Variants in RIMS2 observed in about 807,000 individuals in gnomAD.
RIMS2 encodes the protein regulating synaptic membrane exocytosis protein 2.
A neutral mutation model predicts 174.4 loss-of-function variants in RIMS2; 59 were observed. The observed-to-expected ratio is 0.34, with a 90% CI of 0.27 to 0.42. RIMS2 has a LOEUF of 0.42. Among genes scored for constraint, RIMS2 ranks in the 10% least tolerant of loss-of-function variants. The pLI is 1.00. For missense variants in RIMS2, 1,620 were observed against 1,666.3 expected (o/e 0.97, Z 0.48); for synonymous variants, 606 against 572.5 (o/e 1.06, Z -0.84).
intron 3 of RIMS2, among the ~76,000 whole-genome samples, chr8:103,808,858 G>A (rs1411832363): frequency 6.6e-6 from 1 of 152,056 alleles, no homozygotes; most frequent in Non-Finnish European, 1.5e-5. Flanking sequence ...TGATCTCTCT[G>A]CATCCACATA....
chr8:103,794,147 A>G (rs2098529374), intron 3 of RIMS2, among the ~76,000 whole-genome samples: 1 of 152,204 alleles, frequency 6.6e-6, no homozygotes, highest in Admixed American at 6.5e-5. Flanking sequence ...CCAAAAGAAC[A>G]AAGCTGGCAG....
intron 17 of RIMS2, among the ~76,000 whole-genome samples, chr8:104,004,837 T>C (rs1198510925): frequency 1.3e-5 from 2 of 151,300 alleles, no homozygotes; most frequent in African/African-American, 2.4e-5. Flanking sequence ...AGAAAATAGA[T>C]GGGAGAAGTG....
rs981246881 is a variant in RIMS2 at position 104,223,911 on chromosome 8, G to T, written c.3335-21005G>T. On this transcript the variant is annotated intron_variant, in intron 19 of 23. Transcript: ENST00000504942. ...CAGTGTCCCAGCCCCTCTGCTCTCCGGGACTGTGCCGGGGGCGACAGCCCT... is the reference window on the plus strand; with the variant it reads ...CAGTGTCCCAGCCCCTCTGCTCTCCTGGACTGTGCCGGGGGCGACAGCCCT... The T allele has an allele frequency of 8.0e-5, 65 of 807,898 alleles. No individual in the cohort carries two copies. In the African/African-American group the frequency reaches 9.1e-4, roughly 11 times the overall value. The allele number at this position is 807,898 out of a possible 1,614,324, so 50.0% of individuals were successfully genotyped here.
At chr8:103,785,727 A>T (rs964775075) in intron 3 of RIMS2, among the ~76,000 whole-genome samples, 2 of 152,102 alleles carry the variant, frequency 1.3e-5, no homozygotes, top group Non-Finnish European at 2.9e-5. Context: ...TGGTCTAAAA[A>T]TCTCTTTGTT....
chr8:103,638,922 T>C (rs1349255736), intron 1 of RIMS2, among the ~76,000 whole-genome samples: 1 of 152,060 alleles, frequency 6.6e-6, no homozygotes, highest in Non-Finnish European at 1.5e-5. Context: ...ATCTATCATC[T>C]ATCTTTAAAA....
chr8:104,049,432 C>CA lies in RIMS2; in HGVS notation c.3334+34823dup, dbSNP rs1336698804. Reference sequence around the variant, plus strand: ...AGAGCGGAGACTCCATCTCAAAAAACAAAAAACAAACAAACAAAAAAACCC... The same window carrying CA: ...AGAGCGGAGACTCCATCTCAAAAAACAAAAAAACAAACAAACAAAAAAACCC... On this transcript the variant is annotated intron_variant, in intron 19 of 23. Coordinates refer to ENST00000504942, the Ensembl canonical transcript of RIMS2. Among the ~76,000 whole-genome samples, 13 of 151,908 alleles carry CA rather than the reference C, an allele frequency of 8.6e-5. No homozygotes were observed. In the East Asian group the frequency reaches 1.4e-3, roughly 16 times the overall value.
intron 19 of RIMS2, among the ~76,000 whole-genome samples, chr8:104,059,532 T>A (rs1469826271): frequency 6.9e-6 from 1 of 145,630 alleles, no homozygotes; most frequent in African/African-American, 2.5e-5. Flanking sequence ...CAATTTGACT[T>A]CCTCTTTTCC....
intron 1 of RIMS2, among the ~76,000 whole-genome samples, chr8:103,575,727 G>A (rs2093181295): frequency 6.7e-6 from 1 of 148,658 alleles, no homozygotes. Flanking sequence ...ATTATCACCA[G>A]TAATATCCCA....
At chr8:103,752,283 G>C (rs1225457524) in intron 2 of RIMS2, among the ~76,000 whole-genome samples, 1 of 152,076 alleles carries the variant, frequency 6.6e-6, no homozygotes, top group South Asian at 2.1e-4. Context: ...TTATTTCTGA[G>C]GGCTCTGTTC....
chr8:103,707,925 C>T (rs949048972), intron 2 of RIMS2, among the ~76,000 whole-genome samples: 2 of 152,180 alleles, frequency 1.3e-5, no homozygotes, highest in Admixed American at 1.3e-4. Context: ...CAACTGGGAG[C>T]TTTGGGATCC....
At chr8:103,923,917 C>T (rs144902516) in intron 10 of RIMS2, among the ~76,000 whole-genome samples, 8 of 151,686 alleles carry the variant, frequency 5.3e-5, no homozygotes, top group Non-Finnish European at 1.0e-4. Flanking sequence ...TCTTTCGAAT[C>T]CTGATTTTTC....
chr8:104,240,605 G>A (rs1045898886), intron 19 of RIMS2, among the ~76,000 whole-genome samples: 9 of 152,136 alleles, frequency 5.9e-5, no homozygotes, highest in African/African-American at 2.2e-4. Context: ...TCTCCTCAAT[G>A]TATGCTGTTA....
At chr8:104,013,737 G>C (rs568794536) in intron 18 of RIMS2, 116 bp downstream of exon 20, 2 of 738,168 alleles carry the variant, frequency 2.7e-6, no homozygotes, top group East Asian at 2.5e-5. Flanking sequence ...AGTAACAATC[G>C]ATACTAACCT....
rs55665972 is a variant in RIMS2 at position 104,006,626 on chromosome 8, T to TTCTCTCTC, written c.3045-6780_3045-6773dup. The stretch of plus-strand genomic sequence containing the variant: ...TCAAGCTAACTTGAGAGTGATCTAT[T>TTCTCTCTC]TCTCTCTCTCTCTCTCTCTCTCTCT... On this transcript the variant is annotated intron_variant, in intron 17 of 23. Transcript: ENST00000504942. Among the ~76,000 whole-genome samples, 951 of 138,148 alleles carry TTCTCTCTC rather than the reference T, an allele frequency of 6.9e-3. 4 individuals are homozygous for TTCTCTCTC. The highest frequency in any genetic ancestry group is 0.01 in the East Asian group (44 of 4,396). The allele number at this position is 138,148 out of a possible 152,430, so 90.6% of individuals were successfully genotyped here.
intron 3 of RIMS2, among the ~76,000 whole-genome samples, chr8:103,802,443 T>G (rs531808267): frequency 1.6e-4 from 24 of 152,264 alleles, no homozygotes; most frequent in African/African-American, 5.8e-4. Context: ...ACCTTTCACC[T>G]TCCCCTTTGG....
chr8:104,185,488 A>G (rs1258634935), intron 19 of RIMS2, among the ~76,000 whole-genome samples: 2 of 151,656 alleles, frequency 1.3e-5, no homozygotes, highest in East Asian at 1.9e-4. Flanking sequence ...CAAATAGTAA[A>G]CATTATACTA....
intron 3 of RIMS2, among the ~76,000 whole-genome samples, chr8:103,793,833 T>G (rs1345291614): frequency 6.6e-6 from 1 of 152,116 alleles, no homozygotes; most frequent in African/African-American, 2.4e-5. Flanking sequence ...CCATTCATAA[T>G]TACTACAAAG....
intron 3 of RIMS2, among the ~76,000 whole-genome samples, chr8:103,828,743 G>A (rs1375330442): frequency 1.3e-5 from 2 of 151,792 alleles, no homozygotes; most frequent in Non-Finnish European, 2.9e-5. Flanking sequence ...ATTTTTGTAG[G>A]TGGTGAAAGG....
chr8:103,968,832 C>T (rs2092488044), intron 15 of RIMS2, among the ~76,000 whole-genome samples: 1 of 151,772 alleles, frequency 6.6e-6, no homozygotes, highest in South Asian at 2.1e-4. Flanking sequence ...CTTTGAAATT[C>T]TGACCTATAT....
Sources: gnomAD v4.1 joint callset for allele counts (sites outside exome capture counted in the v4.1 genomes callset) on GRCh38, gnomAD v4.1.1 for gene constraint, MANE v1.5 for transcripts, NCBI Gene and HGNC (gene_info 2026-07-23, HGNC 2026-07-21) for gene names.